ALK: variants seen among roughly 807,000 people sequenced by gnomAD.
The protein encoded by ALK is ALK tyrosine kinase receptor.
ALK carries 74 observed loss-of-function variants against 163.1 expected under a neutral mutation model. That is an observed-to-expected ratio of 0.45 (90% CI 0.38 to 0.55). ALK has a LOEUF of 0.55. Among genes scored for constraint, ALK ranks in the 20% least tolerant of loss-of-function variants. ALK has a pLI of 0.00. For synonymous variants in ALK, 960 were observed against 843.2 expected (o/e 1.14, Z -2.40); for missense variants, 2,063 against 2,105.3 (o/e 0.98, Z 0.39).
intron 8 of ALK, among the ~76,000 whole-genome samples, chr2:29,301,812 C>T (rs1666379132): frequency 6.6e-6 from 1 of 152,198 alleles, no homozygotes; most frequent in Non-Finnish European, 1.5e-5. Context: ...TCAGGCCGGG[C>T]AAAAGAGAGA....
chr2:29,694,619 C>A (rs1430226854), intron 3 of ALK, among the ~76,000 whole-genome samples: 2 of 152,148 alleles, frequency 1.3e-5, no homozygotes, highest in Non-Finnish European at 2.9e-5. Flanking sequence ...GTTATGAAAC[C>A]CTACTTTTAT....
chr2:29,574,806 C>T lies in ALK; in HGVS notation c.953-42690G>A, dbSNP rs116263447. On this transcript the variant is annotated intron_variant, in intron 3 of 28. Transcript: ENST00000389048. ...ACTTGGGGAGGTTCTTCTAAGCCCG[C>T]ATTTTCTGCTCTGGAAAATGGGACG... Among the ~76,000 whole-genome samples, 384 of 152,334 alleles carry T rather than the reference C, an allele frequency of 2.5e-3. 3 individuals carry two copies. Among genetic ancestry groups the T allele is most frequent in the African/African-American group, 7.8e-3 (325 of 41,568 alleles).
intron 1 of ALK, among the ~76,000 whole-genome samples, chr2:29,741,226 G>A (rs920923517): frequency 6.6e-6 from 1 of 152,132 alleles, no homozygotes; most frequent in African/African-American, 2.4e-5. Flanking sequence ...GTGGACCACA[G>A]AGGATTTGGG....
intron 11 of ALK, among the ~76,000 whole-genome samples, chr2:29,255,746 C>T (rs979480361): frequency 2.0e-5 from 3 of 152,106 alleles, no homozygotes; most frequent in Non-Finnish European, 4.4e-5. Flanking sequence ...TTACTTAATA[C>T]CAGAGTCTGA....
intron 3 of ALK, among the ~76,000 whole-genome samples, chr2:29,546,366 T>C (rs1339042788): frequency 6.6e-6 from 1 of 152,206 alleles, no homozygotes; most frequent in Non-Finnish European, 1.5e-5. Flanking sequence ...GACAAAGTGC[T>C]GAGAAATCCT....
At chr2:29,283,960 A>G (rs1228478527) in intron 9 of ALK, among the ~76,000 whole-genome samples, 2 of 152,154 alleles carry the variant, frequency 1.3e-5, no homozygotes, top group Non-Finnish European at 2.9e-5. Flanking sequence ...GCTCCCGAGG[A>G]TTTCAGTCAG....
chr2:29,908,831 C>A (rs567407672), intron 1 of ALK, among the ~76,000 whole-genome samples: 2 of 152,314 alleles, frequency 1.3e-5, no homozygotes, highest in African/African-American at 4.8e-5. Flanking sequence ...TCAAGTGCTG[C>A]CTTTTATTGG....
At chr2:29,919,167 G>C (rs1667915663) in intron 1 of ALK, among the ~76,000 whole-genome samples, 1 of 152,170 alleles carries the variant, frequency 6.6e-6, no homozygotes, top group Admixed American at 6.5e-5. Flanking sequence ...CAAGCTGCCA[G>C]AGACTATCAT....
At chr2:29,856,658 CTCTG>C (rs1666145855) in intron 1 of ALK, among the ~76,000 whole-genome samples, 1 of 152,218 alleles carries the variant, frequency 6.6e-6, no homozygotes, top group Non-Finnish European at 1.5e-5. Context: ...TGGTGCCATC[CTCTG>C]TCTGCCTACG....
At chr2:29,252,909 C>T (rs1398618986) in intron 11 of ALK, among the ~76,000 whole-genome samples, 6 of 151,654 alleles carry the variant, frequency 4.0e-5, no homozygotes, top group Non-Finnish European at 5.9e-5. Context: ...CCTGCAGCCT[C>T]GAATTTCTGG....
chr2:29,299,860 G>C (rs1666314979), intron 8 of ALK, among the ~76,000 whole-genome samples: 1 of 152,170 alleles, frequency 6.6e-6, no homozygotes, highest in Non-Finnish European at 1.5e-5. Flanking sequence ...AGGTGGGAAG[G>C]GTGTTCCATC....
intron 5 of ALK, among the ~76,000 whole-genome samples, chr2:29,351,336 C>G (rs1476551310): frequency 1.3e-5 from 2 of 152,136 alleles, no homozygotes; most frequent in African/African-American, 4.8e-5. Flanking sequence ...AGCAGTGAAG[C>G]CTTTGTGCTT....
In ALK at chr2:29,193,494, AC is replaced by A. The variant is rs1335258939; in HGVS notation, c.4592del (p.Gly1531ValfsTer27). 2.5e-6 allele frequency: 4 copies of A among 1,613,960 alleles called. No homozygotes were observed. Among genetic ancestry groups the A allele is most frequent in the Non-Finnish European group, 3.4e-6 (4 of 1,179,974 alleles). On this transcript the variant is annotated frameshift_variant, in exon 29 of 29. Coordinates refer to ENST00000389048, the MANE Select transcript of ALK (RefSeq NM_004304.5). LOFTEE classifies it low-confidence loss of function (END_TRUNC). Reference sequence around the variant, plus strand: ...TACAGCTTCCCTCCAGCCCCAGGTTACCCCTGTCGTGTGGCTCCTTCTTTGC... The same window carrying A: ...TACAGCTTCCCTCCAGCCCCAGGTTACCCTGTCGTGTGGCTCCTTCTTTGC... ...PIAKKEPHDR[G>X]NLGLEGSCTV...
intron 1 of ALK, among the ~76,000 whole-genome samples, chr2:29,795,202 A>G (rs1664277366): frequency 6.6e-6 from 1 of 152,036 alleles, no homozygotes; most frequent in Non-Finnish European, 1.5e-5. Flanking sequence ...ACACACACGC[A>G]AAGAGCTAAC....
chr2:29,615,494 T>C (rs1259478571), intron 3 of ALK, among the ~76,000 whole-genome samples: 3 of 152,238 alleles, frequency 2.0e-5, no homozygotes, highest in Admixed American at 2.0e-4. Flanking sequence ...CACTAACGCA[T>C]TTATTCTGTT....
intron 4 of ALK, among the ~76,000 whole-genome samples, chr2:29,386,643 G>A (rs574490120): frequency 6.6e-6 from 1 of 152,132 alleles, no homozygotes; most frequent in Non-Finnish European, 1.5e-5. Context: ...TTTCTATATT[G>A]GCACTAGCCC....
chr2:29,558,055 C>A (rs950239957), intron 3 of ALK, among the ~76,000 whole-genome samples: 2 of 152,196 alleles, frequency 1.3e-5, no homozygotes, highest in African/African-American at 4.8e-5. Context: ...TTTAAAAACT[C>A]TTCTGGTTTC....
intron 26 of ALK, among the ~76,000 whole-genome samples, chr2:29,201,801 T>G (rs1669188116): frequency 6.6e-6 from 1 of 151,402 alleles, no homozygotes; most frequent in African/African-American, 2.4e-5. Flanking sequence ...AAAAAAAATC[T>G]TGAATCTGAC....
At chr2:29,708,492 T>G (rs1208301419) in intron 2 of ALK, among the ~76,000 whole-genome samples, 1 of 152,152 alleles carries the variant, frequency 6.6e-6, no homozygotes, top group Non-Finnish European at 1.5e-5. Flanking sequence ...CAAGTGACTA[T>G]GAGGCAACTA....
Sources: gnomAD v4.1 joint callset for allele counts (sites outside exome capture counted in the v4.1 genomes callset) on GRCh38, gnomAD v4.1.1 for gene constraint, MANE v1.5 for transcripts, NCBI Gene and HGNC (gene_info 2026-07-23, HGNC 2026-07-21) for gene names.